SLC25A21: variants seen among roughly 807,000 people sequenced by gnomAD.
SLC25A21 encodes solute carrier family 25 member 21, also known as mitochondrial 2-oxodicarboxylate carrier.
SLC25A21 carries 47 observed loss-of-function variants against 43.8 expected under a neutral mutation model. That is an observed-to-expected ratio of 1.07 (90% CI 0.85 to 1.37). SLC25A21 has a LOEUF of 1.37. Among genes scored for constraint, SLC25A21 ranks in the 40% most tolerant of loss-of-function variants. The probability of loss-of-function intolerance (pLI) is 0.00; values close to 1 mark genes in which losing one functional copy is unlikely to be tolerated. For synonymous variants in SLC25A21, 131 were observed against 121.3 expected, an observed-to-expected ratio of 1.08 and a Z score of -0.52; for missense variants, 352 against 350.2, an observed-to-expected ratio of 1.00 and a Z score of -0.04.
chr14:36,839,600 C>G (rs861054), intron 2 of SLC25A21, among the ~76,000 whole-genome samples: 101,834 of 151,638 alleles, frequency 0.67, 34,664 homozygotes, highest in South Asian at 0.81. Flanking sequence ...GTACAATTTG[C>G]AGAAAAGGTT....
intron 1 of SLC25A21, among the ~76,000 whole-genome samples, chr14:37,171,497 T>A (rs1179048549): frequency 2.6e-5 from 4 of 152,148 alleles, no homozygotes; most frequent in Admixed American, 2.6e-4. Flanking sequence ...ATTATGGCAA[T>A]TATTTTAATT....
intron 1 of SLC25A21, among the ~76,000 whole-genome samples, chr14:37,170,657 T>C (rs927188750): frequency 6.6e-6 from 1 of 151,956 alleles, no homozygotes; most frequent in South Asian, 2.1e-4. Context: ...TAACGGGTGG[T>C]GGCTCACGCC....
chr14:36,821,322 G>A (rs1273272412), intron 2 of SLC25A21, among the ~76,000 whole-genome samples: 4 of 152,052 alleles, frequency 2.6e-5, no homozygotes, highest in Non-Finnish European at 2.9e-5. Flanking sequence ...ATCAGATGGT[G>A]GAAAGATGAC....
chr14:37,145,476 C>CACACAGAGAGAGAG (rs780734735), intron 1 of SLC25A21, among the ~76,000 whole-genome samples: 197 of 143,672 alleles, frequency 1.4e-3, no homozygotes, highest in African/African-American at 4.9e-3. Context: ...CACACACACA[C>CACACAGAGAGAGAG]AGAGAGATGA....
At chr14:37,119,030 G>A (rs757005394) in intron 1 of SLC25A21, among the ~76,000 whole-genome samples, 6 of 152,146 alleles carry the variant, frequency 3.9e-5, no homozygotes, top group Non-Finnish European at 5.9e-5. Flanking sequence ...CCAAGATGGT[G>A]ATGGAAGTGA....
chr14:36,853,466 A>C lies in SLC25A21; in HGVS notation c.119+21490T>G, dbSNP rs1056323386. Among the ~76,000 whole-genome samples, 5 of 152,252 alleles carry C rather than the reference A, an allele frequency of 3.3e-5. No homozygotes were observed. In the East Asian group the frequency reaches 9.7e-4, roughly 29 times the overall value. The stretch of plus-strand genomic sequence containing the variant: ...TGAGCATTTGTTTCTAACTTCTAGA[A>C]ATCATTTCCTAAGCTGCTAGGCAGA... On this transcript the variant is annotated intron_variant, in intron 2 of 9. Coordinates refer to ENST00000331299, the MANE Select transcript of SLC25A21 (RefSeq NM_030631.4).
chr14:36,682,149 T>C (rs976740030), intron 9 of SLC25A21, among the ~76,000 whole-genome samples: 1 of 151,382 alleles, frequency 6.6e-6, no homozygotes, highest in East Asian at 1.9e-4. Flanking sequence ...CTTTTCTTTT[T>C]TTTACTGTCT....
rs3985278 is a variant in SLC25A21 at position 36,887,211 on chromosome 14, C to CATATATAT, written c.71-12215_71-12208dup. On this transcript the variant is annotated intron_variant, in intron 1 of 9. Transcript: ENST00000331299. ...TGTAATGCATGCACATGTGTGTCTA[C>CATATATAT]ATATATATATATATATATATTCATT... Among the ~76,000 whole-genome samples, 1,091 of 148,684 alleles carry CATATATAT rather than the reference C, an allele frequency of 7.3e-3. 11 individuals carry two copies. Among genetic ancestry groups the CATATATAT allele is most frequent in the African/African-American group, 0.026 (1,041 of 40,414 alleles).
rs953417162 is a variant in SLC25A21, at chr14:36,706,814, A to G, written c.603+4504T>C. Among the ~76,000 whole-genome samples the G allele has an allele frequency of 7.4e-4, 113 of 151,984 alleles. 1 individual carries two copies. The highest frequency in any genetic ancestry group is 2.4e-3 in the African/African-American group (101 of 41,398). On this transcript the variant is annotated intron_variant, in intron 7 of 9. Coordinates refer to ENST00000331299, the MANE Select transcript of SLC25A21 (RefSeq NM_030631.4). ...CATGGACGCTATAGTCCAAGACCCC[A>G]CCACTTTGTATTGCAGTCATTTCCA... is the stretch of plus-strand genomic sequence containing the variant.
intron 9 of SLC25A21, among the ~76,000 whole-genome samples, chr14:36,682,203 GA>G (rs1882306081): frequency 6.7e-6 from 1 of 148,500 alleles, no homozygotes; most frequent in Admixed American, 6.8e-5. Context: ...ATTCTTTAAA[GA>G]AAAAAATTTC....
intron 1 of SLC25A21, among the ~76,000 whole-genome samples, chr14:37,125,046 T>A (rs1955759): frequency 0.023 from 3,473 of 152,268 alleles, 123 homozygotes; most frequent in Admixed American, 0.091. Flanking sequence ...GAGGACAGAC[T>A]AACAATACAG....
chr14:36,817,731 C>A (rs527289983), intron 2 of SLC25A21, among the ~76,000 whole-genome samples: 3 of 152,268 alleles, frequency 2.0e-5, no homozygotes, highest in African/African-American at 7.2e-5. Flanking sequence ...CAGGCAAGCA[C>A]GTCCTATGTC....
intron 1 of SLC25A21, among the ~76,000 whole-genome samples, chr14:37,058,056 C>A (rs2138807903): frequency 6.6e-6 from 1 of 152,280 alleles, no homozygotes. Flanking sequence ...CTTTCCCAGG[C>A]TCACATCACA....
intron 7 of SLC25A21, among the ~76,000 whole-genome samples, chr14:36,709,148 C>A (rs1254477325): frequency 6.6e-6 from 1 of 152,120 alleles, no homozygotes; most frequent in Non-Finnish European, 1.5e-5. Context: ...GCTGGGATTA[C>A]AGGCATGTGC....
At chr14:36,759,381 TATC>T (rs1886056602) in intron 3 of SLC25A21, among the ~76,000 whole-genome samples, 1 of 152,194 alleles carries the variant, frequency 6.6e-6, no homozygotes, top group African/African-American at 2.4e-5. Context: ...TTTCTGTACA[TATC>T]ATCTCCGTTT....
At chr14:36,792,267 G>T (rs1887512699) in intron 3 of SLC25A21, among the ~76,000 whole-genome samples, 1 of 152,104 alleles carries the variant, frequency 6.6e-6, no homozygotes, top group Admixed American at 6.6e-5. Context: ...GAGAGAAAAA[G>T]AAAGTGTATT....
intron 5 of SLC25A21, among the ~76,000 whole-genome samples, chr14:36,729,285 C>T (rs114021992): frequency 2.7e-3 from 415 of 152,160 alleles, no homozygotes; most frequent in African/African-American, 9.3e-3. Flanking sequence ...TCATATGGGG[C>T]CTTTCCAGAC....
chr14:36,864,363 C>T (rs1297513786), intron 2 of SLC25A21, among the ~76,000 whole-genome samples: 1 of 152,180 alleles, frequency 6.6e-6, no homozygotes, highest in East Asian at 1.9e-4. Context: ...ACTGGCACCT[C>T]TATTCCTTCC....
At chr14:37,049,707 A>G (rs1305165523) in intron 1 of SLC25A21, among the ~76,000 whole-genome samples, 1 of 152,252 alleles carries the variant, frequency 6.6e-6, no homozygotes, top group Non-Finnish European at 1.5e-5. Flanking sequence ...TGAATTTTCT[A>G]GTAGCCACAC....
Sources: gnomAD v4.1 joint callset for allele counts (sites outside exome capture counted in the v4.1 genomes callset) on GRCh38, gnomAD v4.1.1 for gene constraint, MANE v1.5 for transcripts, NCBI Gene and HGNC (gene_info 2026-07-23, HGNC 2026-07-21) for gene names.